The following NALCN variants were observed in gnomAD, a reference collection of about 807,000 sequenced individuals.
NALCN encodes sodium leak channel, non-selective.
Under a neutral mutation model 225.3 loss-of-function variants are expected in NALCN, and 111 were observed. The ratio of observed to expected loss-of-function variants is 0.49; its 90% CI spans 0.42 to 0.58. The LOEUF (loss-of-function observed/expected upper bound fraction) is 0.58, where lower values mean the gene tolerates loss of function less well. NALCN is among the 20% of genes least tolerant of loss of function. The pLI is 0.00. For synonymous variants in NALCN, 764 were observed against 769.0 expected (o/e 0.99, Z 0.11); for missense variants, 1,378 against 2,202.4 (o/e 0.63, Z 7.49).
At chr13:101,326,615 T>C (rs1192274313) in intron 7 of NALCN, among the ~76,000 whole-genome samples, 2 of 152,250 alleles carry the variant, frequency 1.3e-5, no homozygotes, top group Admixed American at 6.5e-5. Flanking sequence ...GCCATTTACA[T>C]TGTGGGTTTA....
At chr13:101,244,300 C>T (rs1018936543) in intron 11 of NALCN, among the ~76,000 whole-genome samples, 6 of 152,038 alleles carry the variant, frequency 3.9e-5, no homozygotes, top group Admixed American at 2.0e-4. Flanking sequence ...TTACTAACTG[C>T]ATATATTATC....
intron 35 of NALCN, among the ~76,000 whole-genome samples, chr13:101,074,937 T>C (rs1219563173): frequency 2.0e-5 from 3 of 152,160 alleles, no homozygotes; most frequent in Non-Finnish European, 4.4e-5. Flanking sequence ...TCACACAAAT[T>C]AATAAGAGTA....
At chr13:101,276,307 GC>G (rs773478342) in intron 10 of NALCN, among the ~76,000 whole-genome samples, 1 of 152,054 alleles carries the variant, frequency 6.6e-6, no homozygotes, top group South Asian at 2.1e-4. Context: ...GCCTTATTAA[GC>G]ATGGTATAAA....
chr13:101,149,107 C>T (rs1215803711), intron 15 of NALCN, among the ~76,000 whole-genome samples: 2 of 152,108 alleles, frequency 1.3e-5, no homozygotes, highest in East Asian at 1.9e-4. Context: ...TCCTGGCTAA[C>T]ACGGTGAAAC....
intron 11 of NALCN, among the ~76,000 whole-genome samples, chr13:101,256,827 G>A (rs980161982): frequency 3.4e-5 from 5 of 147,708 alleles, no homozygotes; most frequent in South Asian, 2.1e-4. Flanking sequence ...TCAGTGGTGC[G>A]CTCTTGGCTC....
chr13:101,283,484 A>C (rs1040959330), intron 10 of NALCN, among the ~76,000 whole-genome samples: 6 of 152,182 alleles, frequency 3.9e-5, no homozygotes, highest in African/African-American at 1.4e-4. Context: ...GTTTGCTATC[A>C]GTGCACTTTG....
At chr13:101,233,812 C>G (rs764028161) in intron 12 of NALCN, among the ~76,000 whole-genome samples, 15 of 152,154 alleles carry the variant, frequency 9.9e-5, no homozygotes, top group Middle Eastern at 3.2e-3. Flanking sequence ...ACAAGACGCA[C>G]CAGTCAATAT....
chr13:101,184,161 C>A (rs2039355993), intron 14 of NALCN, among the ~76,000 whole-genome samples: 1 of 151,992 alleles, frequency 6.6e-6, no homozygotes, highest in Non-Finnish European at 1.5e-5. Context: ...TCTTTATTTC[C>A]CTCAGATTAT....
chr13:101,215,488 C>T (rs1271701069), intron 13 of NALCN, among the ~76,000 whole-genome samples: 1 of 152,070 alleles, frequency 6.6e-6, no homozygotes, highest in Non-Finnish European at 1.5e-5. Context: ...GCTCTCAGCT[C>T]AGAGTCTCAA....
chr13:101,104,626 G>T lies in NALCN; in HGVS notation c.2661C>A (p.Tyr887Ter). Residue 887 changes from tyrosine (Y) to a stop codon, truncating the protein, a stop_gained, in exon 24 of 44, where the codon TAC becomes TAA. Coordinates refer to ENST00000251127, the MANE Select transcript of NALCN (RefSeq NM_052867.4). LOFTEE classifies it high-confidence loss of function. This position sits in a 1 kb window ranked among gnomAD's most constrained non-coding sequence, Gnocchi z 4.2. ...TTACGATGATCATGACCCAGTCCAG[G>T]TAAGTGACCAATCCCAGCAAATCAC... ...QLYDLLGLVT[Y>*]LDWVMIIVTI... 6.2e-7 allele frequency: 1 copy of T among 1,613,876 alleles called. No individual in the cohort carries two copies.
At chr13:101,247,742 A>G (rs1319282811) in intron 11 of NALCN, among the ~76,000 whole-genome samples, 1 of 152,146 alleles carries the variant, frequency 6.6e-6, no homozygotes, top group Non-Finnish European at 1.5e-5. Context: ...TGCTGCACCT[A>G]TAAACCCATG....
At position 101,233,748 on chromosome 13, in the gene NALCN, T is replaced by C. The variant is rs552267256; in HGVS notation, c.1434+4007A>G. Among the ~76,000 whole-genome samples, 4 of 152,260 alleles carry C rather than the reference T, an allele frequency of 2.6e-5. No homozygotes were observed. The East Asian group carries it at 7.7e-4, about 29-fold the overall frequency. ...ACAGTCCTTATCTTAGGGCTTGTTATGAGAAACAAATGAGACAATGCACTC... is the reference window on the plus strand; with the variant it reads ...ACAGTCCTTATCTTAGGGCTTGTTACGAGAAACAAATGAGACAATGCACTC... On this transcript the variant is annotated intron_variant, in intron 12 of 43. Coordinates refer to ENST00000251127, the MANE Select transcript of NALCN (RefSeq NM_052867.4).
intron 7 of NALCN, among the ~76,000 whole-genome samples, chr13:101,341,583 G>A (rs2045560306): frequency 6.6e-6 from 1 of 151,982 alleles, no homozygotes; most frequent in Non-Finnish European, 1.5e-5. Flanking sequence ...GCTTTTATGA[G>A]TTATATATCA....
intron 18 of NALCN, chr13:101,116,424 G>C (rs1423311689): frequency 2.5e-6 from 1 of 401,494 alleles, no homozygotes. Context: ...TTTTAAAATT[G>C]GCCCAAAGAT....
At chr13:101,249,007 G>A (rs1323390734) in intron 11 of NALCN, among the ~76,000 whole-genome samples, 1 of 152,054 alleles carries the variant, frequency 6.6e-6, no homozygotes, top group African/African-American at 2.4e-5. Flanking sequence ...TTAGTATCTC[G>A]AGTAAGGGTA....
At chr13:101,270,431 T>G (rs2140249976) in intron 10 of NALCN, among the ~76,000 whole-genome samples, 1 of 152,326 alleles carries the variant, frequency 6.6e-6, no homozygotes, top group South Asian at 2.1e-4. Flanking sequence ...AACACAAAAC[T>G]TTTGTTTTAA....
chr13:101,059,987 T>C lies in NALCN; in HGVS notation c.4756-20A>G, dbSNP rs778006228. 6.2e-6 allele frequency: 10 copies of C among 1,612,862 alleles called. No individual in the cohort carries two copies. Among genetic ancestry groups the C allele is most frequent in the Non-Finnish European group, 8.5e-6 (10 of 1,179,202 alleles). The stretch of plus-strand genomic sequence containing the variant: ...CTGTTTCTATGGAAATGCGATTGTT[T>C]GTTCAGTAAAATAAGCCCAGCATCC... On this transcript the variant is annotated intron_variant, in intron 41 of 43. Transcript: ENST00000251127.
At chr13:101,266,741 C>T (rs2042608923) in intron 10 of NALCN, among the ~76,000 whole-genome samples, 1 of 152,112 alleles carries the variant, frequency 6.6e-6, no homozygotes, top group African/African-American at 2.4e-5. Flanking sequence ...GAGCCATGAA[C>T]ATAAGAACAA....
At chr13:101,190,151 A>G (rs1037753844) in intron 14 of NALCN, among the ~76,000 whole-genome samples, 12 of 152,212 alleles carry the variant, frequency 7.9e-5, no homozygotes, top group African/African-American at 2.7e-4. Flanking sequence ...AATCAAACAT[A>G]TATCTGAGTG....
Sources: gnomAD v4.1 joint callset for allele counts (sites outside exome capture counted in the v4.1 genomes callset) on GRCh38, gnomAD v4.1.1 for gene constraint, Gnocchi (gnomAD v3.1) non-coding constraint, MANE v1.5 for transcripts, NCBI Gene and HGNC (gene_info 2026-07-23, HGNC 2026-07-21) for gene names.